GRIA4: variants seen among roughly 807,000 people sequenced by gnomAD.
GRIA4 encodes glutamate receptor 4.
GRIA4 carries 34 observed loss-of-function variants against 104.0 expected under a neutral mutation model. The observed-to-expected ratio is 0.33, with a 90% CI of 0.25 to 0.44. The LOEUF is 0.44. Ranked by LOEUF, GRIA4 falls within the 20% of genes least tolerant of loss-of-function variation. The probability of loss-of-function intolerance (pLI) is 1.00; values close to 1 mark genes in which losing one functional copy is unlikely to be tolerated. For missense variants in GRIA4, 750 were observed against 1,096.5 expected, an observed-to-expected ratio of 0.68 and a Z score of 4.46; for synonymous variants, 386 against 381.9, an observed-to-expected ratio of 1.01 and a Z score of -0.13.
chr11:105,714,040 T>C (rs890479692), intron 3 of GRIA4, among the ~76,000 whole-genome samples: 8 of 152,112 alleles, frequency 5.3e-5, no homozygotes. Flanking sequence ...AGGATTTAGG[T>C]TTTACAAAAT....
intron 4 of GRIA4, among the ~76,000 whole-genome samples, chr11:105,818,434 T>C (rs1943459813): frequency 6.6e-6 from 1 of 152,180 alleles, no homozygotes; most frequent in Non-Finnish European, 1.5e-5. Flanking sequence ...ATTCCATCCA[T>C]TATAACCACT....
chr11:105,647,670 A>T (rs1250879000), intron 3 of GRIA4, among the ~76,000 whole-genome samples: 2 of 152,216 alleles, frequency 1.3e-5, no homozygotes, highest in Non-Finnish European at 2.9e-5. Flanking sequence ...GGAGGCCATT[A>T]TCTTCAGCAA....
intron 3 of GRIA4, among the ~76,000 whole-genome samples, chr11:105,728,650 C>A (rs1168392572): frequency 6.6e-6 from 1 of 152,076 alleles, no homozygotes; most frequent in Non-Finnish European, 1.5e-5. Context: ...TTATAACAAA[C>A]AGTCTCAGAC....
chr11:105,628,662 T>G (rs925394671), intron 3 of GRIA4, among the ~76,000 whole-genome samples: 3 of 152,186 alleles, frequency 2.0e-5, no homozygotes, highest in African/African-American at 7.2e-5. Flanking sequence ...CTCTTTCCTT[T>G]GTAAATTACT....
At chr11:105,770,461 T>C (rs182795954) in intron 4 of GRIA4, among the ~76,000 whole-genome samples, 25 of 152,200 alleles carry the variant, frequency 1.6e-4, no homozygotes, top group African/African-American at 5.8e-4. Flanking sequence ...GGTCAAACTT[T>C]CTCAGCCTTC....
At chr11:105,753,892 G>A (rs1211078523) in intron 4 of GRIA4, among the ~76,000 whole-genome samples, 1 of 152,046 alleles carries the variant, frequency 6.6e-6, no homozygotes, top group Non-Finnish European at 1.5e-5. Flanking sequence ...AAAGGAGTGT[G>A]GGGCTTCCAT....
At chr11:105,704,745 C>A (rs1379546789) in intron 3 of GRIA4, among the ~76,000 whole-genome samples, 1 of 152,038 alleles carries the variant, frequency 6.6e-6, no homozygotes, top group Non-Finnish European at 1.5e-5. Context: ...AATTTTAAAA[C>A]ATCCCCAAAA....
At chr11:105,652,771 A>T (rs913236364) in intron 3 of GRIA4, among the ~76,000 whole-genome samples, 5 of 152,204 alleles carry the variant, frequency 3.3e-5, no homozygotes, top group Non-Finnish European at 7.3e-5. Flanking sequence ...CCTGCAGTGG[A>T]TGCCTACAGC....
intron 3 of GRIA4, among the ~76,000 whole-genome samples, chr11:105,727,439 G>T (rs1309699452): frequency 6.6e-6 from 1 of 152,118 alleles, no homozygotes; most frequent in African/African-American, 2.4e-5. Context: ...ATGGAACCAA[G>T]TTGGAAAACA....
intron 3 of GRIA4, 58 bp downstream of exon 3, chr11:105,612,492 C>A: frequency 7.7e-7 from 1 of 1,295,158 alleles, no homozygotes; most frequent in South Asian, 1.4e-5. Context: ...GCAATGGAGT[C>A]CTCTTCCTCT....
At chr11:105,683,471 G>T (rs1417717991) in intron 3 of GRIA4, among the ~76,000 whole-genome samples, 2 of 151,920 alleles carry the variant, frequency 1.3e-5, no homozygotes, top group Non-Finnish European at 2.9e-5. Context: ...AAGACTAGAG[G>T]AATGCTTTTT....
chr11:105,702,915 G>A (rs180933285), intron 3 of GRIA4, among the ~76,000 whole-genome samples: 1 of 151,948 alleles, frequency 6.6e-6, no homozygotes, highest in Non-Finnish European at 1.5e-5. Context: ...GACTGGGCTG[G>A]AACTCCTGAC....
At chr11:105,870,990 A>G (rs1945592843) in intron 5 of GRIA4, among the ~76,000 whole-genome samples, 2 of 152,086 alleles carry the variant, frequency 1.3e-5, no homozygotes, top group African/African-American at 2.4e-5. Flanking sequence ...TTATAGTCAC[A>G]TTTATACCAG....
At chr11:105,930,208 C>A (rs1253956106) in intron 13 of GRIA4, among the ~76,000 whole-genome samples, 1 of 152,050 alleles carries the variant, frequency 6.6e-6, no homozygotes, top group Non-Finnish European at 1.5e-5. Context: ...CACTCTCTTG[C>A]AGTCACAGAT....
chr11:105,623,010 C>T (rs374870970), intron 3 of GRIA4, among the ~76,000 whole-genome samples: 1 of 146,692 alleles, frequency 6.8e-6, no homozygotes, highest in East Asian at 2.0e-4. Flanking sequence ...TTGCTGAAAA[C>T]AACACAATTT....
At chr11:105,800,209 T>C (rs1942661682) in intron 4 of GRIA4, among the ~76,000 whole-genome samples, 1 of 152,054 alleles carries the variant, frequency 6.6e-6, no homozygotes, top group South Asian at 2.1e-4. Context: ...TATGGAGAAC[T>C]GCAGTTTTTG....
chr11:105,825,441 G>A (rs953004245), intron 4 of GRIA4, among the ~76,000 whole-genome samples: 17 of 152,026 alleles, frequency 1.1e-4, no homozygotes, highest in Middle Eastern at 3.2e-3. Context: ...GGCCAGCTAC[G>A]TTCTTGAATA....
chr11:105,894,756 T>A (rs1946584430), intron 6 of GRIA4, among the ~76,000 whole-genome samples: 1 of 152,040 alleles, frequency 6.6e-6, no homozygotes, highest in African/African-American at 2.4e-5. Flanking sequence ...AAGTCCTCAT[T>A]ACTTCTTACT....
At chr11:105,873,701 G>T (rs1257246837) in intron 5 of GRIA4, among the ~76,000 whole-genome samples, 1 of 151,852 alleles carries the variant, frequency 6.6e-6, no homozygotes, top group Non-Finnish European at 1.5e-5. Flanking sequence ...CATGTTTCTT[G>T]GCCACAAAAA....
Sources: gnomAD v4.1 joint callset for allele counts (sites outside exome capture counted in the v4.1 genomes callset) on GRCh38, gnomAD v4.1.1 for gene constraint, MANE v1.5 for transcripts, NCBI Gene and HGNC (gene_info 2026-07-23, HGNC 2026-07-21) for gene names.